Variants in SEL1L3 observed in about 807,000 individuals in gnomAD.
SEL1L3 encodes SEL1L family member 3, also known as protein sel-1 homolog 3.
Under a neutral mutation model 142.8 loss-of-function variants are expected in SEL1L3, and 76 were observed. The observed-to-expected ratio is 0.53, with a 90% CI of 0.44 to 0.64. The LOEUF (loss-of-function observed/expected upper bound fraction) is 0.64. Ranked by LOEUF, SEL1L3 falls within the 30% of genes least tolerant of loss-of-function variation. The probability of loss-of-function intolerance (pLI) is 0.00; values close to 1 mark genes in which losing one functional copy is unlikely to be tolerated. For missense variants in SEL1L3, 1,262 were observed against 1,381.7 expected, an observed-to-expected ratio of 0.91 and a Z score of 1.37; for synonymous variants, 504 against 519.6, an observed-to-expected ratio of 0.97 and a Z score of 0.41.
intron 13 of SEL1L3, among the ~76,000 whole-genome samples, chr4:25,785,241 A>G (rs1197127772): frequency 6.6e-6 from 1 of 152,222 alleles, no homozygotes; most frequent in Non-Finnish European, 1.5e-5. Flanking sequence ...GTAAATGGAA[A>G]CAGCGCTAGT....
At chr4:25,765,227 C>G in intron 20 of SEL1L3, 99 bp downstream of exon 20, 1 of 784,464 alleles carries the variant, frequency 1.3e-6, no homozygotes, top group Non-Finnish European at 2.2e-6. Context: ...TTCCTGACCT[C>G]AAGTGACCCG....
At chr4:25,776,655 T>C (rs1401714508) in intron 16 of SEL1L3, 2 of 287,698 alleles carry the variant, frequency 7.0e-6, no homozygotes, top group Non-Finnish European at 1.3e-5. Flanking sequence ...CCAAGAGTTC[T>C]AGTACTCTAT....
Position 25,779,061 on chromosome 4 carries a change from T to C in SEL1L3, c.2585+15A>G. ...ATGGCTTTCCCTTCAAATGCAACGT[T>C]TGACAGAGTCTTACACAACAGCTTT... is the stretch of plus-strand genomic sequence containing the variant. On this transcript the variant is annotated intron_variant, in intron 16 of 23. Coordinates refer to ENST00000399878, the MANE Select transcript of SEL1L3 (RefSeq NM_015187.5). 1.9e-6 allele frequency: 3 copies of C among 1,612,534 alleles called. No homozygotes were observed. Among genetic ancestry groups the C allele is most frequent in the Non-Finnish European group, 2.5e-6 (3 of 1,178,998 alleles).
upstream of SEL1L3, chr4:25,863,332 C>T (rs903679059): frequency 8.6e-6 from 5 of 581,630 alleles, no homozygotes; most frequent in African/African-American, 6.1e-5. Context: ...TCCCCTCGCG[C>T]TCCCAAACCC....
intron 1 of SEL1L3, among the ~76,000 whole-genome samples, chr4:25,856,531 G>A (rs965246081): frequency 7.3e-5 from 11 of 149,916 alleles, no homozygotes; most frequent in Non-Finnish European, 1.0e-4. Flanking sequence ...ATTTGACAAC[G>A]TCATGCACAG....
chr4:25,736,658 G>GTT, the SEL1L3 span, among the ~76,000 whole-genome samples: 1 of 152,122 alleles, frequency 6.6e-6, no homozygotes. Context: ...ATAAATGTTA[G>GTT]TTAAGTTAAG....
At chr4:25,816,888 C>G (rs1191682919) in intron 9 of SEL1L3, among the ~76,000 whole-genome samples, 1 of 152,204 alleles carries the variant, frequency 6.6e-6, no homozygotes, top group Non-Finnish European at 1.5e-5. Flanking sequence ...GTTGGCCTTT[C>G]AAGAATCAGT....
chr4:25,843,014 A>T (rs59981531), intron 2 of SEL1L3, among the ~76,000 whole-genome samples: 3,461 of 152,214 alleles, frequency 0.023, 120 homozygotes, highest in African/African-American at 0.078. Context: ...CTGGGAGAAG[A>T]GCATCTTAGG....
chr4:25,759,339 C>G (rs1718220578), intron 20 of SEL1L3: 1 of 388,448 alleles, frequency 2.6e-6, no homozygotes, highest in Non-Finnish European at 4.7e-6. Flanking sequence ...CTCGCTCACT[C>G]TCTCAGAATA....
At chr4:25,715,430 T>C in the SEL1L3 span, among the ~76,000 whole-genome samples, 2 of 152,236 alleles carry the variant, frequency 1.3e-5, no homozygotes, top group African/African-American at 2.4e-5. Context: ...GTCTGACTTA[T>C]GTTATTGTCC....
At chr4:25,763,520 G>A (rs778361489) in intron 20 of SEL1L3, among the ~76,000 whole-genome samples, 8 of 152,066 alleles carry the variant, frequency 5.3e-5, no homozygotes, top group Non-Finnish European at 1.0e-4. Flanking sequence ...TGACCACTGC[G>A]ATGTTGTACC....
chr4:25,813,975 A>C (rs1714201496), intron 9 of SEL1L3, among the ~76,000 whole-genome samples: 1 of 152,180 alleles, frequency 6.6e-6, no homozygotes, highest in African/African-American at 2.4e-5. Flanking sequence ...GATAGTGAGC[A>C]GATGATCCAC....
intron 23 of SEL1L3, among the ~76,000 whole-genome samples, chr4:25,754,970 C>T (rs757705296): frequency 1.3e-5 from 2 of 152,054 alleles, no homozygotes; most frequent in Non-Finnish European, 2.9e-5. Flanking sequence ...CAAAATATTT[C>T]CTATGTGAGA....
chr4:25,767,428 G>C, intron 19 of SEL1L3, 97 bp downstream of exon 19: 1 of 690,798 alleles, frequency 1.4e-6, no homozygotes. Context: ...TAATTATTTA[G>C]AAATACCTCA....
chr4:25,819,340 A>T (rs35323499), intron 8 of SEL1L3, among the ~76,000 whole-genome samples: 38,870 of 152,104 alleles, frequency 0.26, 6,100 homozygotes, highest in Non-Finnish European at 0.34. Context: ...CAAGGATTTA[A>T]AAAATAAAAC....
At chr4:25,790,230 C>G (rs2109190823) in intron 12 of SEL1L3, among the ~76,000 whole-genome samples, 1 of 152,280 alleles carries the variant, frequency 6.6e-6, no homozygotes, top group East Asian at 1.9e-4. Context: ...GGCGCTATGG[C>G]CATGGCCCGA....
intron 5 of SEL1L3, among the ~76,000 whole-genome samples, chr4:25,830,834 C>T (rs1214018911): frequency 6.6e-6 from 1 of 152,206 alleles, no homozygotes; most frequent in Admixed American, 6.5e-5. Flanking sequence ...GAAACCAACC[C>T]AATTCAGCCA....
chr4:25,781,521 C>T (rs1720000446), intron 15 of SEL1L3, among the ~76,000 whole-genome samples: 1 of 152,172 alleles, frequency 6.6e-6, no homozygotes, highest in African/African-American at 2.4e-5. Flanking sequence ...GCCTGTAATC[C>T]CAGTTACTCC....
At chr4:25,860,022 G>C (rs541901691) in intron 1 of SEL1L3, among the ~76,000 whole-genome samples, 12 of 152,308 alleles carry the variant, frequency 7.9e-5, no homozygotes, top group African/African-American at 1.4e-4. Context: ...GTGTGGTTTA[G>C]AGCTGGGGCT....
Sources: allele counts gnomAD v4.1 joint callset (sites outside exome capture counted in the v4.1 genomes callset), GRCh38; gene constraint gnomAD v4.1.1; transcripts MANE v1.5; gene names NCBI Gene and HGNC (gene_info 2026-07-23, HGNC 2026-07-21).